Variants in ACAD11 observed in about 807,000 individuals in gnomAD.
ACAD11 encodes the protein acyl-CoA dehydrogenase family member 11, also known as acyl-Coenzyme A dehydrogenase family, member 11.
In ACAD11, 83 loss-of-function variants were observed where a neutral mutation model predicts 102.2. The observed-to-expected ratio is 0.81, with a 90% confidence interval of 0.68 to 0.97. The LOEUF is 0.97. Ranked by LOEUF, ACAD11 falls within the 50% of genes least tolerant of loss-of-function variation. The pLI is 0.00. For missense variants in ACAD11, 901 were observed against 951.7 expected (o/e 0.95, Z 0.70); for synonymous variants, 324 against 319.8 (o/e 1.01, Z -0.14).
chr3:132,576,900 T>C, intron 16 of ACAD11, 44 bp downstream of exon 16: 2 of 1,320,210 alleles, frequency 1.5e-6, no homozygotes, highest in Non-Finnish European at 2.2e-6. Context: ...AGAGCTGAAA[T>C]ATTAATGTAC....
At chr3:132,598,444 C>A (rs1458807773) in intron 13 of ACAD11, among the ~76,000 whole-genome samples, 1 of 152,184 alleles carries the variant, frequency 6.6e-6, no homozygotes, top group African/African-American at 2.4e-5. Flanking sequence ...TTGTGCCAGG[C>A]ACATTAACAA....
At chr3:132,574,836 A>AT (rs367852094) in intron 17 of ACAD11, among the ~76,000 whole-genome samples, 6 of 151,814 alleles carry the variant, frequency 4.0e-5, no homozygotes, top group East Asian at 1.9e-4. Context: ...ATATTTCCTA[A>AT]TTTTTTTTCT....
rs1204644800 is a variant in ACAD11 at position 132,585,561 on chromosome 3, G to A, written c.1622-6003C>T. On this transcript the variant is annotated intron_variant, in intron 13 of 19. Coordinates refer to ENST00000264990, the MANE Select transcript of ACAD11 (RefSeq NM_032169.5). The stretch of plus-strand genomic sequence containing the variant: ...CATCAGAGTGAACAGGCAACCTACA[G>A]AATGGGAGAAAATTTTTGCCATCTA... 5.9e-5 allele frequency among the ~76,000 whole-genome samples: 9 copies of A among 152,216 alleles called. No individual in the cohort carries two copies. In the East Asian group the frequency reaches 7.7e-4, roughly 13 times the overall value.
intron 7 of ACAD11, among the ~76,000 whole-genome samples, chr3:132,628,730 A>C (rs2107862172): frequency 1.3e-5 from 2 of 152,350 alleles, no homozygotes; most frequent in South Asian, 4.1e-4. Flanking sequence ...CCAAGTCTGC[A>C]AGTTATTTCA....
rs1240465234 is a variant in ACAD11 at position 132,618,746 on chromosome 3, C to T, written c.1302G>A (p.Trp434Ter). The change falls in exon 11 of 20, where the codon TGG becomes TGA. Residue 434 changes from tryptophan to a stop codon, truncating the protein, a stop_gained. Coordinates refer to ENST00000264990, the MANE Select transcript of ACAD11 (RefSeq NM_032169.5). LOFTEE classifies it high-confidence loss of function. ...LKEMAKVEGL[W>*]NLFLPAVSGL... ...CGCTGACAGCTGGCAAAAACAAGTT[C>T]CAGAGACCCTCGACTTTGGCCATTT... 1.9e-6 allele frequency: 3 copies of T among 1,597,974 alleles called. No homozygotes were observed. The highest frequency in any genetic ancestry group is 2.6e-6 in the Non-Finnish European group (3 of 1,173,698).
intron 19 of ACAD11, 35 bp downstream of exon 19, chr3:132,559,798 C>T: frequency 6.4e-7 from 1 of 1,565,160 alleles, no homozygotes; most frequent in Non-Finnish European, 8.8e-7. Context: ...CCACGCCTAT[C>T]AAACGTAGAT....
rs1354901682 is a variant in ACAD11 at position 132,618,671 on chromosome 3, G to A, written c.1377C>T (p.Cys459=). ...AGTTAAAGACATCTGGAGCAAAAAAGCATTTTCCTGTTTCTTCAGCAATCA... is the reference window on the plus strand; with the variant it reads ...AGTTAAAGACATCTGGAGCAAAAAAACATTTTCCTGTTTCTTCAGCAATCA... ...YALIAEETGK[C]FFAPDVFNCQ... Residue 459 remains cysteine (C), a synonymous_variant, in exon 11 of 20, where the codon TGC becomes TGT. Transcript: ENST00000264990. 1.2e-6 allele frequency: 2 copies of A among 1,606,836 alleles called. No homozygotes were observed. Among genetic ancestry groups the A allele is most frequent in the Non-Finnish European group, 1.7e-6 (2 of 1,177,238 alleles).
intron 14 of ACAD11, 49 bp from the exon 15 acceptor site, chr3:132,578,930 TAA>T: frequency 6.2e-7 from 1 of 1,607,362 alleles, no homozygotes; most frequent in South Asian, 1.1e-5. Flanking sequence ...AGAAGAAAAA[TAA>T]AACAGATAAT....
At chr3:132,629,923 T>A (rs973829297) in intron 7 of ACAD11, among the ~76,000 whole-genome samples, 1 of 152,080 alleles carries the variant, frequency 6.6e-6, no homozygotes, top group African/African-American at 2.4e-5. Context: ...CTATTATCTT[T>A]CAAAATTAAT....
At chr3:132,585,610 C>A (rs1266985047) in intron 13 of ACAD11, among the ~76,000 whole-genome samples, 1 of 152,106 alleles carries the variant, frequency 6.6e-6, no homozygotes, top group Non-Finnish European at 1.5e-5. Context: ...GGGCTAATAT[C>A]CAGAATCTAC....
intron 13 of ACAD11, among the ~76,000 whole-genome samples, chr3:132,597,994 T>C (rs188469694): frequency 5.8e-4 from 88 of 152,308 alleles, no homozygotes; most frequent in African/African-American, 1.0e-3. Context: ...AATTCTTCTA[T>C]GTGGTGTCTT....
At position 132,601,191 on chromosome 3, in the gene ACAD11, T is replaced by C. The variant is rs145975679; in HGVS notation, c.1621+2038A>G. The C allele has an allele frequency of 3.3e-3, 5,250 of 1,613,300 alleles. 6 individuals are homozygous for C. Among genetic ancestry groups the C allele is most frequent in the Non-Finnish European group, 3.8e-3 (4,434 of 1,179,528 alleles). ...AACATTGTCAAGTTCTGCCGAGCCA[T>C]AGACATCATCTACTCCCTGATCACC... On this transcript the variant is annotated intron_variant, in intron 13 of 19. Coordinates refer to ENST00000264990, the MANE Select transcript of ACAD11 (RefSeq NM_032169.5).
At chr3:132,591,883 T>C (rs1000997757) in intron 13 of ACAD11, among the ~76,000 whole-genome samples, 1 of 151,970 alleles carries the variant, frequency 6.6e-6, no homozygotes, top group African/African-American at 2.4e-5. Flanking sequence ...TAGAGTGAGA[T>C]TTTGTCTCCA....
At chr3:132,587,818 C>A (rs539064808) in intron 13 of ACAD11, among the ~76,000 whole-genome samples, 11 of 152,228 alleles carry the variant, frequency 7.2e-5, no homozygotes, top group African/African-American at 2.6e-4. Flanking sequence ...CAAATTTCAG[C>A]GTAGTTCTTA....
At chr3:132,570,756 G>A (rs1294566881) in intron 17 of ACAD11, among the ~76,000 whole-genome samples, 1 of 152,086 alleles carries the variant, frequency 6.6e-6, no homozygotes, top group Non-Finnish European at 1.5e-5. Context: ...GTGACAAAAT[G>A]TGGTATTTAG....
Position 132,628,398 on chromosome 3 carries a change from A to C in ACAD11, c.1012T>G (p.Phe338Val), listed in dbSNP as rs1407770688. 2.5e-6 allele frequency: 4 copies of C among 1,613,190 alleles called. No homozygotes were observed. The highest frequency in any genetic ancestry group is 3.4e-6 in the Non-Finnish European group (4 of 1,179,650). Residue 338 changes from phenylalanine to valine, a missense_variant, in exon 8 of 20, where the codon TTT (phenylalanine) becomes GTT (valine). Coordinates refer to ENST00000264990, the MANE Select transcript of ACAD11 (RefSeq NM_032169.5). ...LLGNNSSEDSFLFANIVQPLA... is the reference protein window; with the variant it reads ...LLGNNSSEDSVLFANIVQPLA... ...GGTTGCACAATATTGGCAAATAAAA[A>C]GCTATCCTCAGATGAATTATTTCCC...
At chr3:132,643,721 G>A (rs1940612274) in intron 2 of ACAD11, among the ~76,000 whole-genome samples, 1 of 152,056 alleles carries the variant, frequency 6.6e-6, no homozygotes, top group Admixed American at 6.5e-5. Flanking sequence ...CAGGTGTTGG[G>A]AAACGAGGGG....
intron 17 of ACAD11, among the ~76,000 whole-genome samples, chr3:132,565,037 C>T (rs771091869): frequency 2.6e-5 from 4 of 152,164 alleles, no homozygotes; most frequent in East Asian, 1.9e-4. Context: ...TATAATCTCT[C>T]TAACCAAAGG....
chr3:132,596,938 T>G (rs533422894), intron 13 of ACAD11, among the ~76,000 whole-genome samples: 1 of 152,332 alleles, frequency 6.6e-6, no homozygotes, highest in Non-Finnish European at 1.5e-5. Context: ...AAAATAACTT[T>G]AGAGAGTATT....
Sources: gnomAD v4.1 joint callset for allele counts (sites outside exome capture counted in the v4.1 genomes callset) on GRCh38, gnomAD v4.1.1 for gene constraint, MANE v1.5 for transcripts, NCBI Gene and HGNC (gene_info 2026-07-23, HGNC 2026-07-21) for gene names.